The following FTO variants were observed in gnomAD, a reference collection of about 807,000 sequenced individuals.
The protein encoded by FTO is alpha-ketoglutarate-dependent dioxygenase FTO.
Under a neutral mutation model 63.9 loss-of-function variants are expected in FTO, and 47 were observed. The observed-to-expected ratio is 0.74, with a 90% CI of 0.58 to 0.94. The LOEUF (loss-of-function observed/expected upper bound fraction) is 0.94. Ranked by LOEUF, FTO falls within the 40% of genes least tolerant of loss-of-function variation. The probability of loss-of-function intolerance (pLI) is 0.00; values close to 1 mark genes in which losing one functional copy is unlikely to be tolerated. For synonymous variants in FTO, 207 were observed against 224.4 expected, an observed-to-expected ratio of 0.92 and a Z score of 0.69; for missense variants, 562 against 618.1, an observed-to-expected ratio of 0.91 and a Z score of 0.96.
intron 7 of FTO, chr16:53,922,951 A>G (rs2082042171): frequency 6.6e-6 from 1 of 152,014 alleles, no homozygotes; most frequent in Non-Finnish European, 1.5e-5. Context: ...TGATTCCTGG[A>G]CTCTCTTGGT....
intron 8 of FTO, among the ~76,000 whole-genome samples, chr16:54,032,227 A>G (rs1306260022): frequency 6.6e-6 from 1 of 152,210 alleles, no homozygotes; most frequent in Non-Finnish European, 1.5e-5. Flanking sequence ...CTGACAGAGC[A>G]GTTATAATAG....
intron 8 of FTO, among the ~76,000 whole-genome samples, chr16:53,967,244 G>A (rs1403294859): frequency 3.3e-5 from 5 of 151,658 alleles, no homozygotes; most frequent in Admixed American, 2.0e-4. Context: ...ATTTCTCCAC[G>A]TTGTGAAAGT....
chr16:53,944,596 T>G (rs1258403395), intron 8 of FTO, among the ~76,000 whole-genome samples: 1 of 152,212 alleles, frequency 6.6e-6, no homozygotes, highest in Admixed American at 6.5e-5. Flanking sequence ...GTTTGAATCT[T>G]GGATCCACTT....
At chr16:53,892,588 CT>C (rs899022463) in intron 7 of FTO, among the ~76,000 whole-genome samples, 7 of 151,956 alleles carry the variant, frequency 4.6e-5, no homozygotes, top group Admixed American at 6.6e-5. Flanking sequence ...TATCTTTATA[CT>C]TTTTTTTGAA....
At chr16:53,932,397 T>TC (rs942055003) in intron 7 of FTO, among the ~76,000 whole-genome samples, 2 of 151,942 alleles carry the variant, frequency 1.3e-5, no homozygotes, top group African/African-American at 4.8e-5. Flanking sequence ...ATGTGGTTTT[T>TC]TTTTTTTTTT....
At chr16:53,893,677 G>T (rs2081209956) in intron 7 of FTO, among the ~76,000 whole-genome samples, 1 of 149,322 alleles carries the variant, frequency 6.7e-6, no homozygotes, top group African/African-American at 2.4e-5. Context: ...AAAAAAAAAG[G>T]TCAATTTGGT....
At chr16:53,917,976 A>G (rs1473761175) in intron 7 of FTO, among the ~76,000 whole-genome samples, 1 of 152,190 alleles carries the variant, frequency 6.6e-6, no homozygotes, top group African/African-American at 2.4e-5. Flanking sequence ...TGTCAGTAGC[A>G]TGAGCTTAGT....
chr16:53,739,514 T>C (rs1479987127), intron 1 of FTO, among the ~76,000 whole-genome samples: 2 of 152,102 alleles, frequency 1.3e-5, no homozygotes, highest in Non-Finnish European at 2.9e-5. Context: ...GTGCCTGGCC[T>C]ACTATTACTT....
intron 1 of FTO, among the ~76,000 whole-genome samples, chr16:53,733,333 C>T (rs903305924): frequency 2.6e-5 from 4 of 151,850 alleles, no homozygotes; most frequent in Admixed American, 1.3e-4. Flanking sequence ...ACCTGAGAGG[C>T]GGAGGTTGCA....
chr16:54,063,674 C>A (rs1231505571), intron 8 of FTO: 1 of 150,688 alleles, frequency 6.6e-6, no homozygotes. Flanking sequence ...CCCAGAGGCA[C>A]AGCCATTTAG....
Position 54,106,710 on chromosome 16 carries a change from G to A in FTO, c.1365-5052G>A, listed in dbSNP as rs554452058. Among the ~76,000 whole-genome samples, 558 of 134,082 alleles carry A rather than the reference G, an allele frequency of 4.2e-3. 5 individuals are homozygous for A. Among genetic ancestry groups the A allele is most frequent in the Non-Finnish European group, 5.7e-3 (370 of 65,230 alleles). The allele number at this position is 134,082 out of a possible 152,430, so 88.0% of individuals were successfully genotyped here. Reference sequence around the variant, plus strand: ...AATTATATAATTGTTACAATTGTATGTAATAGTTATATAATTATATATTAA... The same window carrying A: ...AATTATATAATTGTTACAATTGTATATAATAGTTATATAATTATATATTAA... On this transcript the variant is annotated intron_variant, in intron 8 of 8. Coordinates refer to ENST00000471389, the MANE Select transcript of FTO (RefSeq NM_001080432.3).
At chr16:53,845,154 T>A (rs919286258) in intron 4 of FTO, among the ~76,000 whole-genome samples, 3 of 152,224 alleles carry the variant, frequency 2.0e-5, no homozygotes, top group Admixed American at 6.5e-5. Flanking sequence ...AACAGTATCA[T>A]TTTTTACTCA....
chr16:53,791,307 A>G (rs1321985923), intron 1 of FTO, among the ~76,000 whole-genome samples: 1 of 152,224 alleles, frequency 6.6e-6, no homozygotes, highest in Non-Finnish European at 1.5e-5. Context: ...AACTTGCTCA[A>G]GGTCACACAG....
rs973965054 is a variant in FTO, at chr16:53,925,871, A to G, written c.1240-8114A>G. ...GTTCAGAATTGGGAGACTTTTTCCAAGAAAGACAGGAAACTTAAGCATAAA... is the reference window on the plus strand; with the variant it reads ...GTTCAGAATTGGGAGACTTTTTCCAGGAAAGACAGGAAACTTAAGCATAAA... On this transcript the variant is annotated intron_variant, in intron 7 of 8. Coordinates refer to ENST00000471389, the MANE Select transcript of FTO (RefSeq NM_001080432.3). Among the ~76,000 whole-genome samples, 19 of 152,316 alleles carry G rather than the reference A, an allele frequency of 1.2e-4. 1 individual carries two copies. Among genetic ancestry groups the G allele is most frequent in the Middle Eastern group, 3.4e-3 (1 of 294 alleles).
chr16:54,078,002 C>T (rs1298910777), intron 8 of FTO, among the ~76,000 whole-genome samples: 2 of 152,102 alleles, frequency 1.3e-5, no homozygotes, highest in Non-Finnish European at 2.9e-5. Context: ...GCCCCACCCC[C>T]ATCCATGCTG....
chr16:53,841,921 C>T (rs2079489589), intron 3 of FTO, among the ~76,000 whole-genome samples: 1 of 152,212 alleles, frequency 6.6e-6, no homozygotes, highest in South Asian at 2.1e-4. Context: ...CTAGTTCTGT[C>T]GTTGAACCTC....
intron 8 of FTO, among the ~76,000 whole-genome samples, chr16:54,031,554 G>T (rs1473462858): frequency 2.6e-5 from 4 of 152,156 alleles, no homozygotes; most frequent in Non-Finnish European, 5.9e-5. Context: ...TGGTGAGTCA[G>T]TTCCTTGGTG....
rs1278029845 is a variant in FTO at position 53,930,558 on chromosome 16, TG to T, written c.1240-3426del. Among the ~76,000 whole-genome samples the T allele has an allele frequency of 3.3e-5, 5 of 152,306 alleles. No homozygotes were observed. The South Asian group carries it at 8.3e-4, about 25-fold the overall frequency. ...TCATTTATAAGTACCATTTTTCTTT[TG>T]AAGTGAACTTATAGTTTTAAAAAAT... is the stretch of plus-strand genomic sequence containing the variant. On this transcript the variant is annotated intron_variant, in intron 7 of 8. Coordinates refer to ENST00000471389, the MANE Select transcript of FTO (RefSeq NM_001080432.3).
At chr16:53,899,230 CTTT>C (rs36083917) in intron 7 of FTO, among the ~76,000 whole-genome samples, 5 of 148,062 alleles carry the variant, frequency 3.4e-5, no homozygotes, top group Non-Finnish European at 1.5e-5. Context: ...TATGGAAAAT[CTTT>C]TTTTTTTTTT....
Sources: allele counts gnomAD v4.1 joint callset (sites outside exome capture counted in the v4.1 genomes callset), GRCh38; gene constraint gnomAD v4.1.1; transcripts MANE v1.5; gene names NCBI Gene and HGNC (gene_info 2026-07-23, HGNC 2026-07-21).